CRISPLD2: variants seen among roughly 807,000 people sequenced by gnomAD.
CRISPLD2 encodes the protein cysteine rich secretory protein LCCL domain containing 2, also known as cysteine-rich secretory protein LCCL domain-containing 2.
CRISPLD2 carries 47 observed loss-of-function variants against 71.1 expected under a neutral mutation model. That is an observed-to-expected ratio of 0.66 (90% confidence interval 0.52 to 0.84). The LOEUF (loss-of-function observed/expected upper bound fraction) is 0.84. Ranked by LOEUF, CRISPLD2 falls within the 40% of genes least tolerant of loss-of-function variation. The pLI, the probability that CRISPLD2 is intolerant of heterozygous loss-of-function variation, is 0.00. For synonymous variants in CRISPLD2, 317 were observed against 250.1 expected, an observed-to-expected ratio of 1.27 and a Z score of -2.52; for missense variants, 830 against 651.1, an observed-to-expected ratio of 1.27 and a Z score of -2.99.
chr16:84,849,256 C>T, intron 3 of CRISPLD2, 129 bp from the exon 4 acceptor site: 1 of 911,506 alleles, frequency 1.1e-6, no homozygotes, highest in South Asian at 1.9e-5. Flanking sequence ...CTGCCCGTGG[C>T]TGCTCCTGGA....
At chr16:84,850,369 G>A (rs201446111) in intron 4 of CRISPLD2, among the ~76,000 whole-genome samples, 199 bp from the exon 5 acceptor site, 26 of 152,110 alleles carry the variant, frequency 1.7e-4, no homozygotes, top group South Asian at 2.1e-4. Flanking sequence ...GATGACAGGC[G>A]TGAGCCACCG....
At chr16:84,869,642 A>G (rs2071448565) in intron 8 of CRISPLD2, among the ~76,000 whole-genome samples, 2 of 152,196 alleles carry the variant, frequency 1.3e-5, no homozygotes, top group African/African-American at 4.8e-5. Context: ...AACAGTCAGC[A>G]GTGGAATAAC....
chr16:84,858,184 A>G (rs1421785386), intron 6 of CRISPLD2, among the ~76,000 whole-genome samples: 1 of 152,210 alleles, frequency 6.6e-6, no homozygotes, highest in Non-Finnish European at 1.5e-5. Flanking sequence ...TGACACCTCA[A>G]GCACCATTGG....
intron 13 of CRISPLD2, among the ~76,000 whole-genome samples, chr16:84,884,339 C>T (rs1318382012): frequency 1.3e-5 from 2 of 152,204 alleles, no homozygotes; most frequent in Non-Finnish European, 2.9e-5. Context: ...AACACCTACC[C>T]GGCAGAGTTA....
chr16:84,873,896 T>A lies in CRISPLD2; in HGVS notation c.1113-24T>A, dbSNP rs71386873. Reference sequence around the variant, plus strand: ...TATTTGCATTTACCTAATGCCCGTTTTTTTTTTTTTTTTTTTTAAACAGCA... The same window carrying A: ...TATTTGCATTTACCTAATGCCCGTTATTTTTTTTTTTTTTTTTAAACAGCA... On this transcript the variant is annotated intron_variant, in intron 10 of 14. Coordinates refer to ENST00000262424, the MANE Select transcript of CRISPLD2 (RefSeq NM_031476.4). 27 of 649,370 alleles carry A rather than the reference T, an allele frequency of 4.2e-5. No individual in the cohort carries two copies. In the East Asian group the frequency reaches 1.4e-3, roughly 34 times the overall value. The allele number at this position is 649,370 out of a possible 1,614,324, so 40.2% of individuals were successfully genotyped here. A position where few individuals can be genotyped will look rare whatever the true frequency, so the allele number is the denominator to read the frequency against.
intron 3 of CRISPLD2, among the ~76,000 whole-genome samples, chr16:84,848,271 C>T (rs955652833): frequency 2.6e-5 from 4 of 152,186 alleles, no homozygotes; most frequent in Non-Finnish European, 5.9e-5. Flanking sequence ...TGCCGCTGCC[C>T]GCTGCCGTGC....
At chr16:84,827,234 C>T (rs892786620) in intron 1 of CRISPLD2, among the ~76,000 whole-genome samples, 2 of 152,066 alleles carry the variant, frequency 1.3e-5, no homozygotes, top group Non-Finnish European at 2.9e-5. Flanking sequence ...GTTGAATCCC[C>T]GGAGTCTGGC....
intron 13 of CRISPLD2, among the ~76,000 whole-genome samples, chr16:84,887,772 A>T (rs1256406436): frequency 2.0e-5 from 3 of 152,170 alleles, no homozygotes; most frequent in Non-Finnish European, 4.4e-5. Context: ...GCTACTCAAG[A>T]GGCTGAGGCA....
intron 13 of CRISPLD2, among the ~76,000 whole-genome samples, chr16:84,887,731 C>A (rs147167506): frequency 1.3e-5 from 2 of 152,092 alleles, no homozygotes; most frequent in African/African-American, 4.8e-5. Context: ...ACAAAATTAG[C>A]CAGACGTGGT....
chr16:84,867,145 A>T, intron 7 of CRISPLD2, 105 bp downstream of exon 7: 1 of 1,239,252 alleles, frequency 8.1e-7, no homozygotes, highest in Non-Finnish European at 1.1e-6. Flanking sequence ...GCAAATCCAC[A>T]GGCAGTGGCA....
At chr16:84,873,638 CA>C (rs2071494018) in intron 10 of CRISPLD2, 1 of 339,340 alleles carries the variant, frequency 2.9e-6, no homozygotes, top group African/African-American at 2.1e-5. Context: ...CTTTATTTTG[CA>C]GCTGTGGTTA....
In CRISPLD2 at chr16:84,827,246, C is replaced by A. The variant is rs139118513; in HGVS notation, c.-75+7113C>A. 1.1e-4 allele frequency among the ~76,000 whole-genome samples: 17 copies of A among 152,192 alleles called. No homozygotes were observed. In the East Asian group the frequency reaches 3.1e-3, roughly 28 times the overall value. ...CGTGTTGAATCCCCGGAGTCTGGCC[C>A]CTTCTGTTGGTTGAGCACCGTGTCT... On this transcript the variant is annotated intron_variant, in intron 1 of 14. Coordinates refer to ENST00000262424, the MANE Select transcript of CRISPLD2 (RefSeq NM_031476.4).
chr16:84,838,871 G>A (rs1258682219), intron 2 of CRISPLD2, 136 bp downstream of exon 2: 3 of 1,114,770 alleles, frequency 2.7e-6, no homozygotes, highest in Non-Finnish European at 3.9e-6. Context: ...TGGCAGGGGA[G>A]GATCCCGGCT....
Position 84,826,687 on chromosome 16 carries a change from G to T in CRISPLD2, c.-75+6554G>T, listed in dbSNP as rs557167105. ...AGAAGGTATTTTCAGCTGGGCCTTG[G>T]CATCGCAGGACAAAGTGCTCTCTCA... On this transcript the variant is annotated intron_variant, in intron 1 of 14. Coordinates refer to ENST00000262424, the MANE Select transcript of CRISPLD2 (RefSeq NM_031476.4). 1.3e-3 allele frequency among the ~76,000 whole-genome samples: 192 copies of T among 152,352 alleles called. 2 individuals are homozygous for T. The highest frequency in any genetic ancestry group is 4.5e-3 in the African/African-American group (188 of 41,576).
intron 13 of CRISPLD2, among the ~76,000 whole-genome samples, chr16:84,887,142 A>G (rs557235972): frequency 1.3e-5 from 2 of 152,174 alleles, no homozygotes; most frequent in Non-Finnish European, 2.9e-5. Context: ...CTTCTCCCCG[A>G]TGACCCCTGG....
At chr16:84,876,216 A>G (rs1185873028) in intron 11 of CRISPLD2, among the ~76,000 whole-genome samples, 1 of 152,174 alleles carries the variant, frequency 6.6e-6, no homozygotes, top group Non-Finnish European at 1.5e-5. Context: ...GAAAAAGTTT[A>G]CCTGGCCGGG....
Position 84,908,192 on chromosome 16 carries a change from A to C in CRISPLD2, c.*1550A>C, listed in dbSNP as rs914435322. On this transcript the variant is annotated 3_prime_UTR_variant, in exon 15 of 15. Transcript: ENST00000262424. The stretch of plus-strand genomic sequence containing the variant: ...AGAATCTGAAGGTAAATAGGTTTAA[A>C]ACAAAACAAAAACCCACCCCTTTAA... The C allele has an allele frequency of 6.6e-6, 1 of 152,192 alleles. No homozygotes were observed. The highest frequency in any genetic ancestry group is 1.5e-5 in the Non-Finnish European group (1 of 68,024). The allele number at this position is 152,192 out of a possible 1,614,324, so 9.4% of individuals were successfully genotyped here. A position where few individuals can be genotyped will look rare whatever the true frequency, so the allele number is the denominator to read the frequency against.
At chr16:84,897,167 G>T (rs1364522493) in intron 14 of CRISPLD2, among the ~76,000 whole-genome samples, 1 of 152,190 alleles carries the variant, frequency 6.6e-6, no homozygotes, top group Non-Finnish European at 1.5e-5. Context: ...TTCTAGGCCG[G>T]GTGCGGCGGC....
At chr16:84,868,746 C>T (rs1012537694) in intron 7 of CRISPLD2, 105 bp from the exon 8 acceptor site, 20 of 949,536 alleles carry the variant, frequency 2.1e-5, no homozygotes, top group Non-Finnish European at 2.9e-5. Flanking sequence ...TAGTATAGCA[C>T]GGATTGGATT....
Sources: gnomAD v4.1 joint callset for allele counts (sites outside exome capture counted in the v4.1 genomes callset) on GRCh38, gnomAD v4.1.1 for gene constraint, MANE v1.5 for transcripts, NCBI Gene and HGNC (gene_info 2026-07-23, HGNC 2026-07-21) for gene names.